Variants in MAN2A1 observed in about 807,000 individuals in gnomAD.
The protein encoded by MAN2A1 is alpha-mannosidase 2.
A neutral mutation model predicts 142.6 loss-of-function variants in MAN2A1; 76 were observed. That is an observed-to-expected ratio of 0.53 (90% CI 0.44 to 0.65). MAN2A1 has a LOEUF of 0.65. Among genes scored for constraint, MAN2A1 ranks in the 30% least tolerant of loss-of-function variants. The pLI is 0.00. For synonymous variants in MAN2A1, 559 were observed against 473.2 expected (o/e 1.18, Z -2.35); for missense variants, 1,311 against 1,365.1 (o/e 0.96, Z 0.62).
intron 20 of MAN2A1, among the ~76,000 whole-genome samples, chr5:109,857,430 T>C (rs1171965117): frequency 1.3e-5 from 2 of 152,060 alleles, no homozygotes; most frequent in Admixed American, 6.5e-5. Flanking sequence ...GGGCTTGAGG[T>C]TACCACCACC....
At chr5:109,717,832 G>A (rs1212686003) in intron 3 of MAN2A1, among the ~76,000 whole-genome samples, 1 of 152,198 alleles carries the variant, frequency 6.6e-6, no homozygotes, top group African/African-American at 2.4e-5. Context: ...ATTATAAAAG[G>A]TGATGAAAAT....
At chr5:109,739,809 A>C (rs1485946823) in intron 4 of MAN2A1, among the ~76,000 whole-genome samples, 1 of 152,154 alleles carries the variant, frequency 6.6e-6, no homozygotes, top group African/African-American at 2.4e-5. Context: ...TCTCTCACCC[A>C]AGGAAGTCAG....
At chr5:109,717,614 A>G (rs1433969513) in intron 3 of MAN2A1, among the ~76,000 whole-genome samples, 3 of 152,000 alleles carry the variant, frequency 2.0e-5, no homozygotes, top group African/African-American at 4.8e-5. Flanking sequence ...TTTCTCCTTA[A>G]TCTTAGCCTG....
intron 12 of MAN2A1, chr5:109,804,372 C>A: frequency 1.5e-6 from 1 of 680,260 alleles, no homozygotes. Flanking sequence ...TTTTTTTAGG[C>A]AAGACAATTG....
chr5:109,718,701 G>C (rs968966953), intron 3 of MAN2A1, among the ~76,000 whole-genome samples: 2 of 152,136 alleles, frequency 1.3e-5, no homozygotes, highest in South Asian at 2.1e-4. Context: ...CACGCTTGCA[G>C]GTCTTCGCAG....
rs990721776 is a variant in MAN2A1 at position 109,821,211 on chromosome 5, C to G, written c.2451+869C>G. 3.3e-5 allele frequency among the ~76,000 whole-genome samples: 5 copies of G among 152,190 alleles called. No individual in the cohort carries two copies. In the East Asian group the frequency reaches 7.7e-4, roughly 23 times the overall value. ...TATCCTTTTCTCCCCGTTCTCAAGT[C>G]TTGACTTATTGCATGTACATATTTT... On this transcript the variant is annotated intron_variant, in intron 15 of 21. Transcript: ENST00000261483.
At chr5:109,823,909 T>A (rs1195271070) in intron 16 of MAN2A1, 72 bp downstream of exon 16, 2 of 691,728 alleles carry the variant, frequency 2.9e-6, no homozygotes, top group Non-Finnish European at 4.7e-6. Flanking sequence ...CTTATGCCAT[T>A]CTTAAATTAA....
intron 16 of MAN2A1, among the ~76,000 whole-genome samples, chr5:109,835,483 G>T (rs1452624676): frequency 6.6e-6 from 1 of 152,180 alleles, no homozygotes; most frequent in African/African-American, 2.4e-5. Context: ...TGATTTGATA[G>T]CTATGTTAAA....
At chr5:109,694,396 A>G (rs1160622356) in intron 1 of MAN2A1, among the ~76,000 whole-genome samples, 2 of 151,188 alleles carry the variant, frequency 1.3e-5, no homozygotes, top group African/African-American at 2.4e-5. Flanking sequence ...GCTGGAGTGC[A>G]GTGATGGAAT....
intron 4 of MAN2A1, among the ~76,000 whole-genome samples, chr5:109,753,500 C>T (rs1216605967): frequency 6.6e-6 from 1 of 152,112 alleles, no homozygotes; most frequent in East Asian, 1.9e-4. Flanking sequence ...ATCATATTCT[C>T]CATGTGAAAT....
At chr5:109,717,390 G>A (rs1198144224) in intron 3 of MAN2A1, among the ~76,000 whole-genome samples, 1 of 152,080 alleles carries the variant, frequency 6.6e-6, no homozygotes, top group Non-Finnish European at 1.5e-5. Context: ...TGCAAGCTTG[G>A]ATATTGAAAT....
intron 4 of MAN2A1, among the ~76,000 whole-genome samples, chr5:109,733,021 T>A (rs1751965069): frequency 6.6e-6 from 1 of 152,232 alleles, no homozygotes; most frequent in African/African-American, 2.4e-5. Flanking sequence ...CATTTGTTTG[T>A]ATCCTCTTTT....
At chr5:109,779,061 G>A (rs1218753914) in intron 8 of MAN2A1, among the ~76,000 whole-genome samples, 1 of 152,032 alleles carries the variant, frequency 6.6e-6, no homozygotes, top group African/African-American at 2.4e-5. Flanking sequence ...TCTTAAAGGT[G>A]TCCTAAATAT....
At chr5:109,807,776 C>T (rs1395948310) in intron 12 of MAN2A1, among the ~76,000 whole-genome samples, 2 of 152,126 alleles carry the variant, frequency 1.3e-5, no homozygotes, top group African/African-American at 4.8e-5. Context: ...AGGACATGGA[C>T]ATCTTGGGGT....
intron 4 of MAN2A1, among the ~76,000 whole-genome samples, chr5:109,745,929 T>C (rs1241738210): frequency 1.3e-5 from 2 of 152,220 alleles, no homozygotes; most frequent in East Asian, 1.9e-4. Flanking sequence ...AAGACATTTT[T>C]AAATAAATTT....
chr5:109,780,145 C>T (rs1753415779), intron 8 of MAN2A1, among the ~76,000 whole-genome samples: 1 of 152,120 alleles, frequency 6.6e-6, no homozygotes, highest in Non-Finnish European at 1.5e-5. Context: ...GCAAGGTCGG[C>T]CTCCTGGGTT....
At chr5:109,766,849 A>T (rs1753006401) in intron 5 of MAN2A1, among the ~76,000 whole-genome samples, 1 of 152,000 alleles carries the variant, frequency 6.6e-6, no homozygotes, top group Non-Finnish European at 1.5e-5. Flanking sequence ...TTTCATTTTT[A>T]TTTTTTTACA....
rs3065546 is a variant in MAN2A1, at chr5:109,800,088, C to CA, written c.1943+10579dup. Among the ~76,000 whole-genome samples, 414 of 124,034 alleles carry CA rather than the reference C, an allele frequency of 3.3e-3. 3 individuals carry two copies. The highest frequency in any genetic ancestry group is 6.4e-3 in the Admixed American group (79 of 12,320). The allele number at this position is 124,034 out of a possible 152,430, so 81.4% of individuals were successfully genotyped here. A position where few individuals can be genotyped will look rare whatever the true frequency, so the allele number is the denominator to read the frequency against. ...GGGCAACAGAGTGAGACTGTTGTCT[C>CA]AAAAAAAAAAAAAAAAAACAACCTC... On this transcript the variant is annotated intron_variant, in intron 12 of 21. Transcript: ENST00000261483.
At position 109,774,726 on chromosome 5, in the gene MAN2A1, A is replaced by G. The variant is rs1753235622; in HGVS notation, c.1197-62A>G. 4.1e-6 allele frequency: 5 copies of G among 1,228,090 alleles called. No individual in the cohort carries two copies. In the South Asian group the frequency reaches 6.9e-5, roughly 17 times the overall value. 76.1% of individuals were successfully genotyped at this position (1,228,090 alleles called of 1,614,324 possible). ...GTTATTTCCTTTTTAATCAATTGTC[A>G]CATTCACTTTTTCTTAGTCAAATTC... is the stretch of plus-strand genomic sequence containing the variant. On this transcript the variant is annotated intron_variant, in intron 7 of 21. Transcript: ENST00000261483.
Sources: allele counts gnomAD v4.1 joint callset (sites outside exome capture counted in the v4.1 genomes callset), GRCh38; gene constraint gnomAD v4.1.1; transcripts MANE v1.5; gene names NCBI Gene and HGNC (gene_info 2026-07-23, HGNC 2026-07-21).